The following NOS1 variants were observed in gnomAD, a reference collection of about 807,000 sequenced individuals.
NOS1 encodes the protein nitric oxide synthase 1, also known as NOS type I.
A neutral mutation model predicts 164.5 loss-of-function variants in NOS1; 51 were observed. That is an observed-to-expected ratio of 0.31 (90% CI 0.25 to 0.39). NOS1 has a LOEUF of 0.39. NOS1 is among the 10% of genes least tolerant of loss of function. The pLI is 1.00. For missense variants in NOS1, 1,362 were observed against 1,885.6 expected, an observed-to-expected ratio of 0.72 and a Z score of 5.14; for synonymous variants, 719 against 745.8, an observed-to-expected ratio of 0.96 and a Z score of 0.59.
chr12:117,339,349 C>T (rs1875987962), intron 1 of NOS1, among the ~76,000 whole-genome samples: 1 of 152,236 alleles, frequency 6.6e-6, no homozygotes, highest in Admixed American at 6.5e-5. Flanking sequence ...CTTAGAGTTA[C>T]AAGCACGAGC....
intron 17 of NOS1, among the ~76,000 whole-genome samples, chr12:117,248,301 T>C (rs1870808098): frequency 6.6e-6 from 1 of 151,894 alleles, no homozygotes; most frequent in South Asian, 2.1e-4. Context: ...ACCCACTAAC[T>C]CGTCATCTAG....
At chr12:117,312,776 T>C (rs1874495525) in intron 2 of NOS1, among the ~76,000 whole-genome samples, 1 of 152,074 alleles carries the variant, frequency 6.6e-6, no homozygotes, top group African/African-American at 2.4e-5. Flanking sequence ...ACAGAGAAGC[T>C]AAGTTGCTCA....
chr12:117,338,802 A>G (rs952497327), intron 1 of NOS1, among the ~76,000 whole-genome samples: 6 of 152,182 alleles, frequency 3.9e-5, no homozygotes, highest in African/African-American at 1.4e-4. Context: ...TTTTACATGA[A>G]TAATATCAAA....
intron 2 of NOS1, among the ~76,000 whole-genome samples, chr12:117,327,684 A>G (rs1593025551): frequency 2.0e-5 from 3 of 152,206 alleles, no homozygotes; most frequent in African/African-American, 7.2e-5. Flanking sequence ...GAGACGTCAC[A>G]CAATGCTGTG....
At chr12:117,327,334 G>A (rs901334663) in intron 2 of NOS1, among the ~76,000 whole-genome samples, 4 of 152,194 alleles carry the variant, frequency 2.6e-5, no homozygotes, top group African/African-American at 9.7e-5. Context: ...TTTCGGGAGG[G>A]ACACTTCCCA....
chr12:117,208,341 T>A lies in NOS1; in HGVS notation c.*6968A>T. On this transcript the variant is annotated 3_prime_UTR_variant, in exon 29 of 29. Transcript: ENST00000317775. The stretch of plus-strand genomic sequence containing the variant: ...GAGCACAGGGACACTTGGCAGAGAT[T>A]AGCAGCATTGAGAGCTCAGAGGTAG... 1 of 1,287,440 alleles carries A rather than the reference T, an allele frequency of 7.8e-7. No homozygotes were observed. Among genetic ancestry groups the A allele is most frequent in the Non-Finnish European group, 1.0e-6 (1 of 988,532 alleles). The allele number at this position is 1,287,440 out of a possible 1,614,324, so 79.8% of individuals were successfully genotyped here.
At chr12:117,329,106 C>T (rs1406697502) in intron 2 of NOS1, among the ~76,000 whole-genome samples, 1 of 152,174 alleles carries the variant, frequency 6.6e-6, no homozygotes, top group Non-Finnish European at 1.5e-5. Flanking sequence ...ACTGAGACAT[C>T]ATTATGCACC....
At chr12:117,268,699 C>T (rs1872595120) in intron 10 of NOS1, among the ~76,000 whole-genome samples, 1 of 150,826 alleles carries the variant, frequency 6.6e-6, no homozygotes, top group African/African-American at 2.4e-5. Flanking sequence ...ATGCCATTCT[C>T]CTGCCTTAGC....
At chr12:117,274,891 A>G (rs561849021) in intron 9 of NOS1, among the ~76,000 whole-genome samples, 1 of 152,230 alleles carries the variant, frequency 6.6e-6, no homozygotes, top group East Asian at 1.9e-4. Flanking sequence ...GTGTCTAACA[A>G]CGGATGAATG....
intron 3 of NOS1, among the ~76,000 whole-genome samples, chr12:117,310,297 A>G (rs1158397948): frequency 6.6e-6 from 1 of 152,250 alleles, no homozygotes; most frequent in Non-Finnish European, 1.5e-5. Context: ...ATAGCAAAAT[A>G]TTGACAGTGG....
intron 1 of NOS1, among the ~76,000 whole-genome samples, chr12:117,357,749 T>C (rs1876921221): frequency 6.6e-6 from 1 of 152,212 alleles, no homozygotes; most frequent in South Asian, 2.1e-4. Flanking sequence ...AGGGACTTGC[T>C]GTATTCTGAC....
intron 16 of NOS1, among the ~76,000 whole-genome samples, chr12:117,256,296 T>TTTTTTTTTTTTTTTTTTTA (rs1871449297): frequency 6.7e-6 from 1 of 149,686 alleles, no homozygotes; most frequent in Non-Finnish European, 1.5e-5. Context: ...TTTTTTTTTT[T>TTTTTTTTTTTTTTTTTTTA]GAGACGGAGT....
chr12:117,261,123 C>A (rs897945654), intron 13 of NOS1, among the ~76,000 whole-genome samples: 2 of 144,258 alleles, frequency 1.4e-5, no homozygotes, highest in Admixed American at 7.1e-5. Context: ...GAGCCGAGAT[C>A]GCACCACTGG....
chr12:117,223,091 G>A (rs1056410914), intron 25 of NOS1, among the ~76,000 whole-genome samples: 2 of 151,978 alleles, frequency 1.3e-5, no homozygotes, highest in Admixed American at 6.6e-5. Flanking sequence ...TGAGGAAGGA[G>A]GTGAAGTGTG....
In NOS1 at chr12:117,258,467, A is replaced by T; in HGVS notation, c.2473-12T>A. On this transcript the variant is annotated splice_polypyrimidine_tract_variant and intron_variant, in intron 15 of 28. Coordinates refer to ENST00000317775, the MANE Select transcript of NOS1 (RefSeq NM_000620.5). ...GCACAGCCGAATTTCTGGAAGCCAA[A>T]ACATATGGGTGAAATTAGCACATCT... 1 of 1,613,890 alleles carries T rather than the reference A, an allele frequency of 6.2e-7. No individual in the cohort carries two copies. The highest frequency in any genetic ancestry group is 8.5e-7 in the Non-Finnish European group (1 of 1,179,786).
intron 7 of NOS1, 44 bp from the exon 8 acceptor site, chr12:117,280,910 G>T: frequency 6.2e-7 from 1 of 1,601,454 alleles, no homozygotes; most frequent in Non-Finnish European, 8.5e-7. Context: ...GGCGGGACTT[G>T]CGCTGTGGGA....
chr12:117,306,067 C>T (rs760065634), intron 3 of NOS1, among the ~76,000 whole-genome samples: 3 of 152,060 alleles, frequency 2.0e-5, no homozygotes, highest in Admixed American at 6.6e-5. Flanking sequence ...GCTGGGATTA[C>T]AGTCGAGAAC....
At position 117,222,787 on chromosome 12, in the gene NOS1, G is replaced by T. The variant is rs767436987; in HGVS notation, c.3903C>A (p.Thr1301=). 8.1e-6 allele frequency: 13 copies of T among 1,613,968 alleles called. No homozygotes were observed. In the South Asian group the frequency reaches 1.4e-4, roughly 18 times the overall value. The change falls in exon 26 of 29, where the codon ACC becomes ACA. Residue 1301 remains threonine, a synonymous_variant. Coordinates refer to ENST00000317775, the MANE Select transcript of NOS1 (RefSeq NM_000620.5). The stretch of plus-strand genomic sequence containing the variant: ...AGACCCCCTTGTTCTTGGCCTGCAG[G>T]GTCTCTTCCCTGTAGATATGATCTA... ...SKIDHIYREE[T]LQAKNKGVFR... is the part of the protein sequence containing the mutation.
chr12:117,252,189 A>T (rs1871152322), intron 17 of NOS1, among the ~76,000 whole-genome samples: 1 of 152,248 alleles, frequency 6.6e-6, no homozygotes, highest in South Asian at 2.1e-4. Flanking sequence ...CATAATAATA[A>T]CAATTAAGCA....
Sources: allele counts gnomAD v4.1 joint callset (sites outside exome capture counted in the v4.1 genomes callset), GRCh38; gene constraint gnomAD v4.1.1; transcripts MANE v1.5; gene names NCBI Gene and HGNC (gene_info 2026-07-23, HGNC 2026-07-21).